Variants in CSTA observed in about 807,000 individuals in gnomAD.
CSTA encodes the protein cystatin A.
A neutral mutation model predicts 9.2 loss-of-function variants in CSTA; 9 were observed. The observed-to-expected ratio is 0.97, with a 90% CI of 0.59 to 1.70. CSTA has a LOEUF of 1.70. Among genes scored for constraint, CSTA ranks in the 40% most tolerant of loss-of-function variants. The pLI, the probability that CSTA is intolerant of heterozygous loss-of-function variation, is 0.00. For synonymous variants in CSTA, 36 were observed against 40.6 expected (o/e 0.89, Z 0.43); for missense variants, 118 against 113.1 (o/e 1.04, Z -0.20).
chr3:122,329,916 T>C (rs964782812), intron 1 of CSTA, among the ~76,000 whole-genome samples: 1 of 152,226 alleles, frequency 6.6e-6, no homozygotes, highest in East Asian at 1.9e-4. Context: ...AATTATCACT[T>C]ATCTGCCCTC....
chr3:122,334,653 C>G (rs1024935032), intron 1 of CSTA, among the ~76,000 whole-genome samples: 1 of 152,242 alleles, frequency 6.6e-6, no homozygotes, highest in African/African-American at 2.4e-5. Flanking sequence ...AGAGTTATAT[C>G]CTTTTTCCTC....
At chr3:122,336,160 C>T (rs2107667854) in intron 1 of CSTA, among the ~76,000 whole-genome samples, 1 of 152,244 alleles carries the variant, frequency 6.6e-6, no homozygotes, top group Non-Finnish European at 1.5e-5. Flanking sequence ...CATTTAGTAA[C>T]AAGAGACACA....
At chr3:122,333,540 G>GAAAAAGAAAGAAAGAAAGAAAGAAAGA (rs1274127478) in intron 1 of CSTA, among the ~76,000 whole-genome samples, 1 of 112,078 alleles carries the variant, frequency 8.9e-6, no homozygotes, top group Non-Finnish European at 1.8e-5. Context: ...AGAAAAGAAA[G>GAAAAAGAAAGAAAGAAAGAAAGAAAGA]AAGAAAGAAA....
chr3:122,341,229 C>T (rs1439228746), intron 2 of CSTA, among the ~76,000 whole-genome samples: 6 of 152,266 alleles, frequency 3.9e-5, no homozygotes, highest in African/African-American at 1.4e-4. Context: ...GTGGGAGCCA[C>T]GGCACCCAGC....
chr3:122,328,753 T>C (rs564270049), intron 1 of CSTA, among the ~76,000 whole-genome samples: 1 of 151,548 alleles, frequency 6.6e-6, no homozygotes, highest in Admixed American at 6.6e-5. Context: ...CTGGCCAACA[T>C]AGCTTTCTAC....
intron 1 of CSTA, among the ~76,000 whole-genome samples, chr3:122,335,354 G>T (rs2075230470): frequency 6.6e-6 from 1 of 152,100 alleles, no homozygotes; most frequent in African/African-American, 2.4e-5. Context: ...GGTTATCCTG[G>T]ATTATCCAGG....
intron 2 of CSTA, 101 bp downstream of exon 2, chr3:122,337,749 T>C (rs1207015155): frequency 1.1e-6 from 1 of 896,098 alleles, no homozygotes; most frequent in African/African-American, 1.6e-5. Context: ...CTTACGGTTG[T>C]CCTAAATTAA....
chr3:122,338,465 AT>A (rs1231455456), intron 2 of CSTA, among the ~76,000 whole-genome samples: 1 of 150,600 alleles, frequency 6.6e-6, no homozygotes, highest in East Asian at 1.9e-4. Flanking sequence ...AAATATTTCT[AT>A]TAAAATATAA....
intron 1 of CSTA, among the ~76,000 whole-genome samples, chr3:122,330,162 T>C (rs1003018531): frequency 1.3e-5 from 2 of 152,220 alleles, no homozygotes; most frequent in African/African-American, 2.4e-5. Context: ...GGAAAATGGA[T>C]AGATGCTAGT....
At position 122,341,559 on chromosome 3, in the gene CSTA, G is replaced by A. The variant is rs1189047273; in HGVS notation, c.289G>A (p.Gly97Ser). The A allele has an allele frequency of 6.2e-7, 1 of 1,614,066 alleles. No individual in the cohort carries two copies. Among genetic ancestry groups the A allele is most frequent in the African/African-American group, 1.3e-5 (1 of 75,012 alleles). ...CAAAAACAAGGATGACGAGCTGACG[G>A]GCTTTTAGCAGCATGTACCCAAAGT... Reference protein sequence around the residue: ...VDKNKDDELTGF With the variant: ...VDKNKDDELTSF The change falls in exon 3 of 3, where the codon GGC (glycine) becomes AGC (serine). Residue 97 changes from glycine to serine, a missense_variant. Transcript: ENST00000264474.
chr3:122,329,256 G>A (rs2075189301), intron 1 of CSTA, among the ~76,000 whole-genome samples: 2 of 149,174 alleles, frequency 1.3e-5, no homozygotes, highest in African/African-American at 4.9e-5. Context: ...GTGAGCCACC[G>A]CGCCCAGCCA....
chr3:122,326,778 G>A (rs932360003), intron 1 of CSTA, among the ~76,000 whole-genome samples: 5 of 152,192 alleles, frequency 3.3e-5, no homozygotes, highest in African/African-American at 7.2e-5. Flanking sequence ...TCACCTGCAC[G>A]TCTTGATAAA....
chr3:122,326,224 A>G (rs2075170164), intron 1 of CSTA, among the ~76,000 whole-genome samples: 1 of 152,074 alleles, frequency 6.6e-6, no homozygotes. Flanking sequence ...TAGAGATGGC[A>G]TTTCATTCTG....
chr3:122,341,766 T>C lies in CSTA; in HGVS notation c.*199T>C. 1 of 629,674 alleles carries C rather than the reference T, an allele frequency of 1.6e-6. No individual in the cohort carries two copies. Among genetic ancestry groups the C allele is most frequent in the Non-Finnish European group, 2.6e-6 (1 of 379,308 alleles). The allele number at this position is 629,674 out of a possible 1,614,324, so 39.0% of individuals were successfully genotyped here. On this transcript the variant is annotated 3_prime_UTR_variant, in exon 3 of 3. Transcript: ENST00000264474. ...ATTGCTTTAGAGTATAAACTCCATA[T>C]AAATTGATGGCAATTGGAAATCTTA... is the stretch of plus-strand genomic sequence containing the variant.
chr3:122,337,793 T>A (rs1255862013), intron 2 of CSTA, 145 bp downstream of exon 2: 2 of 718,022 alleles, frequency 2.8e-6, no homozygotes, highest in Non-Finnish European at 5.0e-6. Flanking sequence ...AGTGGTGGAC[T>A]CTCAAATTTG....
chr3:122,341,640 A>G lies in CSTA; in HGVS notation c.*73A>G, dbSNP rs1421320811. On this transcript the variant is annotated 3_prime_UTR_variant, in exon 3 of 3. Transcript: ENST00000264474. ...ATGATCCTTGCTGATAAATATAACC[A>G]TCAATAAAGAAGCATTCTTTTCCAA... is the stretch of plus-strand genomic sequence containing the variant. 6.5e-7 allele frequency: 1 copy of G among 1,538,996 alleles called. No individual in the cohort carries two copies. Among genetic ancestry groups the G allele is most frequent in the African/African-American group, 1.4e-5 (1 of 73,098 alleles).
intron 1 of CSTA, among the ~76,000 whole-genome samples, chr3:122,325,927 G>A (rs915365638): frequency 5.3e-5 from 8 of 152,288 alleles, no homozygotes; most frequent in South Asian, 2.1e-4. Flanking sequence ...TAGTGACTCC[G>A]AAATGTCATA....
intron 1 of CSTA, among the ~76,000 whole-genome samples, 154 bp downstream of exon 1, chr3:122,325,512 T>C (rs2075165909): frequency 6.6e-6 from 1 of 152,244 alleles, no homozygotes; most frequent in African/African-American, 2.4e-5. Context: ...ATAAGAGTTT[T>C]TCAGATGAAG....
At chr3:122,326,122 G>T (rs1331455949) in intron 1 of CSTA, among the ~76,000 whole-genome samples, 3 of 148,800 alleles carry the variant, frequency 2.0e-5, no homozygotes, top group African/African-American at 7.3e-5. Flanking sequence ...GAGTTCAAGC[G>T]ATCCTCCCCA....
Sources: allele counts gnomAD v4.1 joint callset (sites outside exome capture counted in the v4.1 genomes callset), GRCh38; gene constraint gnomAD v4.1.1; transcripts MANE v1.5; gene names NCBI Gene and HGNC (gene_info 2026-07-23, HGNC 2026-07-21).